KEL: variants seen among roughly 807,000 people sequenced by gnomAD.
KEL encodes kell blood group glycoprotein.
KEL carries 96 observed loss-of-function variants against 99.5 expected under a neutral mutation model. The ratio of observed to expected loss-of-function variants is 0.97; its 90% CI spans 0.82 to 1.14. KEL has a LOEUF of 1.14. KEL is among the 50% of genes most tolerant of loss of function. KEL has a pLI of 0.00. For missense variants in KEL, 926 were observed against 924.2 expected (o/e 1.00, Z -0.03); for synonymous variants, 355 against 354.8 (o/e 1.00, Z -0.01).
At chr7:142,944,280 G>T in intron 13 of KEL, 43 bp downstream of exon 13, 4 of 1,461,276 alleles carry the variant, frequency 2.7e-6, no homozygotes, top group Non-Finnish European at 3.8e-6. Context: ...GAAGTGACGA[G>T]AAGTCAAGGA....
chr7:142,958,561 TAAC>T, intron 4 of KEL, 133 bp from the exon 5 acceptor site: 2 of 810,022 alleles, frequency 2.5e-6, no homozygotes. Context: ...TTAACCCATG[TAAC>T]ATGATTTACT....
intron 11 of KEL, 61 bp from the exon 12 acceptor site, chr7:142,944,802 G>T: frequency 1.5e-6 from 2 of 1,317,814 alleles, no homozygotes; most frequent in Non-Finnish European, 1.1e-6. Context: ...GCCTGGCCCT[G>T]CCCACAGCTT....
Position 142,941,321 on chromosome 7 carries a change from G to A in KEL, c.2130C>T (p.Ala710=), listed in dbSNP as rs2116633162. 1 of 1,614,132 alleles carries A rather than the reference G, an allele frequency of 6.2e-7. No homozygotes were observed. The change falls in exon 19 of 19, where the codon GCC becomes GCT. Residue 710 remains alanine (A), a synonymous_variant. Coordinates refer to ENST00000355265, the MANE Select transcript of KEL (RefSeq NM_000420.3). ...RVHGPLSSTP[A]FARYFRCARG... ...GTGCACAGCGGAAATACCTGGCAAAGGCTGGGGTGCTGCTGAGGGGCCCGT... is the reference window on the plus strand; with the variant it reads ...GTGCACAGCGGAAATACCTGGCAAAAGCTGGGGTGCTGCTGAGGGGCCCGT...
chr7:142,944,033 AC>A, intron 13 of KEL, 150 bp from the exon 14 acceptor site: 2 of 731,188 alleles, frequency 2.7e-6, no homozygotes, highest in Non-Finnish European at 4.9e-6. Flanking sequence ...TGGCATCACT[AC>A]ACAGCACACC....
intron 15 of KEL, 53 bp from the exon 16 acceptor site, chr7:142,943,396 C>A: frequency 6.2e-7 from 1 of 1,610,488 alleles, no homozygotes; most frequent in Non-Finnish European, 8.5e-7. Flanking sequence ...ATTTGTGACC[C>A]CAATTCTCCA....
intron 3 of KEL, 93 bp from the exon 4 acceptor site, chr7:142,961,197 G>T: frequency 6.6e-7 from 1 of 1,518,668 alleles, no homozygotes; most frequent in East Asian, 2.3e-5. Flanking sequence ...GAGTAACTAA[G>T]TGGGGAGCTG....
At chr7:142,942,808 G>C in intron 17 of KEL, 67 bp downstream of exon 17, 1 of 1,586,156 alleles carries the variant, frequency 6.3e-7, no homozygotes, top group South Asian at 1.1e-5. Flanking sequence ...ATGGTGGAAG[G>C]AAAACTTGAG....
intron 9 of KEL, chr7:142,953,461 T>G: frequency 1.1e-6 from 1 of 876,516 alleles, no homozygotes; most frequent in Non-Finnish European, 1.4e-6. Context: ...TACATACACT[T>G]AACTGTCTTC....
At chr7:142,949,072 G>A (rs1202419202) in intron 10 of KEL, among the ~76,000 whole-genome samples, 1 of 152,126 alleles carries the variant, frequency 6.6e-6, no homozygotes, top group African/African-American at 2.4e-5. Flanking sequence ...TCCTACCACT[G>A]AATAGAGTAT....
intron 15 of KEL, 54 bp downstream of exon 15, chr7:142,943,432 C>A (rs1796421871): frequency 6.2e-7 from 1 of 1,604,066 alleles, no homozygotes; most frequent in African/African-American, 1.3e-5. Flanking sequence ...CATCATAACA[C>A]CTGTCGGCCC....
chr7:142,945,296 A>G (rs1796495540), intron 11 of KEL, among the ~76,000 whole-genome samples: 1 of 152,124 alleles, frequency 6.6e-6, no homozygotes, highest in Non-Finnish European at 1.5e-5. Context: ...CAATATCGAG[A>G]GCCTGGGCTC....
intron 18 of KEL, chr7:142,942,099 G>A (rs1266212474): frequency 1.6e-5 from 6 of 386,790 alleles, no homozygotes; most frequent in Non-Finnish European, 2.9e-5. Context: ...GTGAGCCACT[G>A]TGCCCAACCA....
chr7:142,954,141 A>C, intron 8 of KEL, 43 bp downstream of exon 8: 8 of 1,577,122 alleles, frequency 5.1e-6, no homozygotes, highest in Non-Finnish European at 6.9e-6. Context: ...TTTGAGAGGA[A>C]GATCCCCATG....
At chr7:142,955,019 T>C (rs192201035) in intron 6 of KEL, among the ~76,000 whole-genome samples, 15 of 152,270 alleles carry the variant, frequency 9.9e-5, no homozygotes, top group African/African-American at 3.4e-4. Context: ...TTAAAGACAA[T>C]TGCTAAGCTG....
Position 142,957,921 on chromosome 7 carries a change from G to T in KEL, c.578C>A (p.Thr193Lys). Residue 193 changes from threonine to lysine, a missense_variant, in exon 6 of 19, where the codon ACG (threonine) becomes AAG (lysine). Physicochemically the swap from Thr to Lys is moderately conservative, Grantham distance 78. Coordinates refer to ENST00000355265, the MANE Select transcript of KEL (RefSeq NM_000420.3). The part of the protein sequence containing the change: ...GKWTSLNFNR[T>K]LRLLMSQYGH... ...ATACTGACTCATCAGAAGTCTCAGC[G>T]TTCGGTTAAAGTTTAAGGAAGTCCA... 6.2e-7 allele frequency: 1 copy of T among 1,614,068 alleles called. No individual in the cohort carries two copies. The highest frequency in any genetic ancestry group is 8.5e-7 in the Non-Finnish European group (1 of 1,179,982).
chr7:142,944,854 G>T, intron 11 of KEL, 113 bp from the exon 12 acceptor site: 3 of 789,354 alleles, frequency 3.8e-6, no homozygotes, highest in South Asian at 2.9e-5. Flanking sequence ...AGCTGCCTGG[G>T]CTGGAGCTGC....
intron 11 of KEL, among the ~76,000 whole-genome samples, chr7:142,945,475 C>T (rs935867003): frequency 6.6e-6 from 1 of 152,196 alleles, no homozygotes; most frequent in Non-Finnish European, 1.5e-5. Flanking sequence ...GAGTCCCAGG[C>T]ATGTGGTAGG....
At chr7:142,954,100 G>T in intron 8 of KEL, 84 bp downstream of exon 8, 4 of 1,445,332 alleles carry the variant, frequency 2.8e-6, no homozygotes, top group East Asian at 2.3e-5. Context: ...GGTATTAAGG[G>T]CACTAGGAGG....
rs1796758925 is a variant in KEL, at chr7:142,953,983, G to A, written c.925-27C>T. 3.7e-6 allele frequency: 6 copies of A among 1,611,722 alleles called. No homozygotes were observed. In the South Asian group the frequency reaches 4.4e-5, roughly 12 times the overall value. ...TTAGAGGAGGGACACAAAGCTGAGG[G>A]GGAAAAGGAAAAGAGAAGGAAGGGG... On this transcript the variant is annotated intron_variant, in intron 8 of 18. Transcript: ENST00000355265.
Sources: allele counts gnomAD v4.1 joint callset (sites outside exome capture counted in the v4.1 genomes callset), GRCh38; gene constraint gnomAD v4.1.1; transcripts MANE v1.5; gene names NCBI Gene and HGNC (gene_info 2026-07-23, HGNC 2026-07-21).